SLC4A10: variants seen among roughly 807,000 people sequenced by gnomAD.
SLC4A10 encodes the protein solute carrier family 4 member 10.
In SLC4A10, 42 loss-of-function variants were observed where a neutral mutation model predicts 137.7. That is an observed-to-expected ratio of 0.30 (90% CI 0.24 to 0.39). SLC4A10 has a LOEUF of 0.39. Among genes scored for constraint, SLC4A10 ranks in the 10% least tolerant of loss-of-function variants. The pLI, the probability that SLC4A10 is intolerant of heterozygous loss-of-function variation, is 1.00. For synonymous variants in SLC4A10, 474 were observed against 464.1 expected, an observed-to-expected ratio of 1.02 and a Z score of -0.27; for missense variants, 925 against 1,355.0, an observed-to-expected ratio of 0.68 and a Z score of 4.98.
intron 15 of SLC4A10, among the ~76,000 whole-genome samples, chr2:161,921,276 A>G (rs1281926541): frequency 6.6e-6 from 1 of 152,140 alleles, no homozygotes; most frequent in Non-Finnish European, 1.5e-5. Flanking sequence ...TCATCACTAG[A>G]TCTGAGAGTA....
At chr2:161,792,357 T>G (rs894987560) in intron 2 of SLC4A10, among the ~76,000 whole-genome samples, 1 of 152,168 alleles carries the variant, frequency 6.6e-6, no homozygotes, top group Non-Finnish European at 1.5e-5. Context: ...TTAATACTTT[T>G]AAGACAAACC....
At chr2:161,837,382 G>A (rs972433529) in intron 3 of SLC4A10, among the ~76,000 whole-genome samples, 2 of 152,076 alleles carry the variant, frequency 1.3e-5, no homozygotes, top group Non-Finnish European at 2.9e-5. Flanking sequence ...AACAAAGCAG[G>A]TAGAAGATCT....
At chr2:161,973,322 A>G (rs776483203) in intron 23 of SLC4A10, among the ~76,000 whole-genome samples, 5 of 152,226 alleles carry the variant, frequency 3.3e-5, no homozygotes, top group Non-Finnish European at 7.3e-5. Context: ...TAATCTATGA[A>G]TAACTTTCTG....
At chr2:161,960,870 T>C (rs1365777708) in intron 21 of SLC4A10, among the ~76,000 whole-genome samples, 1 of 152,176 alleles carries the variant, frequency 6.6e-6, no homozygotes, top group Non-Finnish European at 1.5e-5. Flanking sequence ...ATATCTTGCT[T>C]TAGGCTTCTG....
chr2:161,905,010 G>T, intron 14 of SLC4A10, 101 bp downstream of exon 14: 2 of 1,166,644 alleles, frequency 1.7e-6, no homozygotes, highest in South Asian at 4.2e-5. Context: ...GATAGAGACA[G>T]AATTGCCTGA....
intron 26 of SLC4A10, among the ~76,000 whole-genome samples, chr2:161,979,825 A>T (rs1265059498): frequency 6.6e-6 from 1 of 152,136 alleles, no homozygotes; most frequent in Non-Finnish European, 1.5e-5. Flanking sequence ...GTTATTTTCC[A>T]TCCTGTGCTG....
At chr2:161,838,780 A>G (rs1022119145) in intron 3 of SLC4A10, among the ~76,000 whole-genome samples, 2 of 152,218 alleles carry the variant, frequency 1.3e-5, no homozygotes, top group Non-Finnish European at 2.9e-5. Flanking sequence ...AAATACCACT[A>G]CATAGAATGG....
intron 1 of SLC4A10, among the ~76,000 whole-genome samples, chr2:161,737,423 C>CTT (rs201323938): frequency 1.3e-4 from 18 of 143,916 alleles, no homozygotes; most frequent in Non-Finnish European, 2.1e-4. Flanking sequence ...TACAGAATAG[C>CTT]TTTTTTTTTT....
intron 6 of SLC4A10, among the ~76,000 whole-genome samples, chr2:161,864,350 G>T (rs1194878136): frequency 6.6e-6 from 1 of 152,094 alleles, no homozygotes; most frequent in Non-Finnish European, 1.5e-5. Context: ...ATTTTCAAAA[G>T]CTTCAGAGAT....
At chr2:161,646,856 C>T (rs1178095660) in intron 1 of SLC4A10, among the ~76,000 whole-genome samples, 1 of 152,010 alleles carries the variant, frequency 6.6e-6, no homozygotes, top group Non-Finnish European at 1.5e-5. Flanking sequence ...AAACATTTCA[C>T]ATTTGTTGAA....
intron 1 of SLC4A10, among the ~76,000 whole-genome samples, chr2:161,765,622 A>T (rs969903033): frequency 2.0e-5 from 3 of 151,822 alleles, no homozygotes; most frequent in Non-Finnish European, 2.9e-5. Context: ...AAAAAAAAAA[A>T]AAAGTGTATC....
chr2:161,917,849 A>G (rs1913809), intron 15 of SLC4A10, among the ~76,000 whole-genome samples: 10,199 of 152,220 alleles, frequency 0.067, 444 homozygotes, highest in East Asian at 0.13. Context: ...TCCTGGCACA[A>G]AGTAGGTGTT....
intron 23 of SLC4A10, among the ~76,000 whole-genome samples, chr2:161,969,816 A>G (rs1299052583): frequency 6.6e-6 from 1 of 152,214 alleles, no homozygotes; most frequent in Non-Finnish European, 1.5e-5. Flanking sequence ...ATTACAGAGG[A>G]CGACTTACTG....
intron 26 of SLC4A10, 42 bp from the exon 27 acceptor site, chr2:161,983,137 C>A (rs1336190952): frequency 1.3e-6 from 2 of 1,516,122 alleles, no homozygotes; most frequent in East Asian, 4.9e-5. Flanking sequence ...AGTAGCCATG[C>A]TGGATTGCAG....
At chr2:161,643,355 A>G (rs1304003824) in intron 1 of SLC4A10, among the ~76,000 whole-genome samples, 2 of 152,134 alleles carry the variant, frequency 1.3e-5, no homozygotes, top group African/African-American at 4.8e-5. Context: ...ATCTTAATTC[A>G]AAGTGAACAT....
At chr2:161,939,078 T>TTTTTA (rs1004886478) in intron 15 of SLC4A10, among the ~76,000 whole-genome samples, 1 of 152,134 alleles carries the variant, frequency 6.6e-6, no homozygotes, top group Non-Finnish European at 1.5e-5. Flanking sequence ...GCTAATTTTA[T>TTTTTA]TTTTATTTTA....
chr2:161,668,440 A>G (rs750456101), intron 1 of SLC4A10, among the ~76,000 whole-genome samples: 5 of 151,752 alleles, frequency 3.3e-5, no homozygotes, highest in Admixed American at 2.0e-4. Flanking sequence ...TTATACAGAG[A>G]AACAGTTTAC....
intron 4 of SLC4A10, among the ~76,000 whole-genome samples, 195 bp from the exon 5 acceptor site, chr2:161,854,775 T>C (rs1165955942): frequency 6.6e-6 from 1 of 152,150 alleles, no homozygotes; most frequent in Non-Finnish European, 1.5e-5. Context: ...ATTTTTTAAT[T>C]GCAAAAAGAA....
At chr2:161,828,622 A>G (rs370865816) in intron 3 of SLC4A10, among the ~76,000 whole-genome samples, 1 of 146,492 alleles carries the variant, frequency 6.8e-6, no homozygotes, top group Non-Finnish European at 1.5e-5. Flanking sequence ...GTTCCCTAGT[A>G]TTGGAATTTT....
Sources: gnomAD v4.1 joint callset for allele counts (sites outside exome capture counted in the v4.1 genomes callset) on GRCh38, gnomAD v4.1.1 for gene constraint, MANE v1.5 for transcripts, NCBI Gene and HGNC (gene_info 2026-07-23, HGNC 2026-07-21) for gene names.